The following SWAP70 variants were observed in gnomAD, a reference collection of about 807,000 sequenced individuals.
SWAP70 encodes switching B cell complex subunit SWAP70.
In SWAP70, 34 loss-of-function variants were observed where a neutral mutation model predicts 80.2. The ratio of observed to expected loss-of-function variants is 0.42; its 90% confidence interval spans 0.32 to 0.56. The LOEUF is 0.56. Among genes scored for constraint, SWAP70 ranks in the 20% least tolerant of loss-of-function variants. The pLI, the probability that SWAP70 is intolerant of heterozygous loss-of-function variation, is 0.09. For missense variants in SWAP70, 578 were observed against 690.7 expected (o/e 0.84, Z 1.83); for synonymous variants, 239 against 238.5 (o/e 1.00, Z -0.02).
rs139994085 is a variant in SWAP70 at position 9,721,275 on chromosome 11, T to C, written c.415-3383T>C. On this transcript the variant is annotated intron_variant, in intron 3 of 11. Coordinates refer to ENST00000318950, the MANE Select transcript of SWAP70 (RefSeq NM_015055.4). The stretch of plus-strand genomic sequence containing the variant: ...CAAGGAAATACCTGATAATATCTGA[T>C]AAGTTTAACAGTAGATGACATATCT... Among the ~76,000 whole-genome samples the C allele has an allele frequency of 4.1e-3, 624 of 152,236 alleles. 4 individuals are homozygous for C. The highest frequency in any genetic ancestry group is 6.8e-3 in the Middle Eastern group (2 of 294).
At chr11:9,746,435 C>T (rs1163179891) in intron 9 of SWAP70, among the ~76,000 whole-genome samples, 5 of 152,172 alleles carry the variant, frequency 3.3e-5, no homozygotes, top group South Asian at 2.1e-4. Context: ...TAGAAAAGCA[C>T]GTAGAAGGCA....
intron 2 of SWAP70, among the ~76,000 whole-genome samples, chr11:9,696,088 A>G (rs1461604979): frequency 6.6e-6 from 1 of 152,194 alleles, no homozygotes; most frequent in Admixed American, 6.6e-5. Context: ...TACTGTATAG[A>G]TATTATACAG....
chr11:9,667,249 TGAGAGA>T (rs555327465), intron 1 of SWAP70, among the ~76,000 whole-genome samples: 22 of 151,670 alleles, frequency 1.5e-4, no homozygotes, highest in African/African-American at 5.3e-4. Flanking sequence ...TGTGTGTGTG[TGAGAGA>T]GAGAGAGAGA....
At chr11:9,741,938 T>TTAAAAAAAAAAAAAA (rs746508941) in intron 9 of SWAP70, 3 of 81,916 alleles carry the variant, frequency 3.7e-5, no homozygotes, top group Non-Finnish European at 4.9e-5. Flanking sequence ...ACCTCATCTT[T>TTAAAAAAAAAAAAAA]AAAAAAAAAA....
intron 1 of SWAP70, among the ~76,000 whole-genome samples, chr11:9,677,549 C>G (rs1349097671): frequency 6.6e-6 from 1 of 152,068 alleles, no homozygotes; most frequent in Non-Finnish European, 1.5e-5. Flanking sequence ...CAAAATGAAG[C>G]TTAAAATTAA....
At chr11:9,694,309 G>T in intron 2 of SWAP70, 23 bp downstream of exon 2, 2 of 1,590,400 alleles carry the variant, frequency 1.3e-6, no homozygotes, top group East Asian at 2.3e-5. Flanking sequence ...CCTTTTTTTG[G>T]GTGTAGCATT....
chr11:9,694,208 G>A lies in SWAP70; in HGVS notation c.162G>A (p.Glu54=). ...KVPHDPVALE[E]HFRDDDEGPV... is the part of the protein sequence containing the mutation. ...CTCATGACCCAGTTGCCCTTGAAGA[G>A]CACTTCAGGGATGATGATGAGGGTC... The change falls in exon 2 of 12, where the codon GAG becomes GAA. Residue 54 remains glutamate (E), a synonymous_variant. Transcript: ENST00000318950. 2 of 1,613,160 alleles carry A rather than the reference G, an allele frequency of 1.2e-6. No homozygotes were observed.
chr11:9,671,875 A>T (rs1180935318), intron 1 of SWAP70, among the ~76,000 whole-genome samples: 4 of 102,154 alleles, frequency 3.9e-5, no homozygotes, highest in Non-Finnish European at 3.3e-5. Flanking sequence ...TTTATAATTT[A>T]AATATAATTT....
In SWAP70 at chr11:9,738,196, G is replaced by A; in HGVS notation, c.1081-17G>A. 2 of 1,589,486 alleles carry A rather than the reference G, an allele frequency of 1.3e-6. No homozygotes were observed. Among genetic ancestry groups the A allele is most frequent in the Non-Finnish European group, 8.6e-7 (1 of 1,166,532 alleles). ...TCTAACACCTGCTTTTCTGTGGATG[G>A]GTTTTTGATTGGCTAGAAACTGGAG... On this transcript the variant is annotated splice_polypyrimidine_tract_variant and intron_variant, in intron 7 of 11. Coordinates refer to ENST00000318950, the MANE Select transcript of SWAP70 (RefSeq NM_015055.4).
chr11:9,723,771 C>A (rs1390071141), intron 3 of SWAP70, among the ~76,000 whole-genome samples: 1 of 124,614 alleles, frequency 8.0e-6, no homozygotes, highest in Non-Finnish European at 1.7e-5. Flanking sequence ...TCCTTCTTTA[C>A]TTTTTTTTTT....
At chr11:9,733,596 T>C (rs1010281927) in intron 7 of SWAP70, among the ~76,000 whole-genome samples, 4 of 152,236 alleles carry the variant, frequency 2.6e-5, no homozygotes, top group Admixed American at 6.5e-5. Context: ...GAAAAAGTTA[T>C]TACTATCACA....
At chr11:9,672,710 G>A (rs954342045) in intron 1 of SWAP70, among the ~76,000 whole-genome samples, 9 of 151,774 alleles carry the variant, frequency 5.9e-5, no homozygotes, top group East Asian at 1.9e-4. Flanking sequence ...AATGGTATTC[G>A]TTTAGATAAA....
intron 2 of SWAP70, among the ~76,000 whole-genome samples, chr11:9,712,007 C>T (rs1851004879): frequency 6.6e-6 from 1 of 152,094 alleles, no homozygotes; most frequent in Admixed American, 6.6e-5. Context: ...CCTGGAATAC[C>T]CTTTATCCCA....
At chr11:9,725,726 C>T (rs901312797) in intron 4 of SWAP70, among the ~76,000 whole-genome samples, 65 of 151,584 alleles carry the variant, frequency 4.3e-4, no homozygotes, top group African/African-American at 1.5e-3. Context: ...TGTGCGCCAC[C>T]ACGTCCAGCT....
chr11:9,686,064 A>T (rs1305381342), intron 1 of SWAP70, among the ~76,000 whole-genome samples: 5 of 151,868 alleles, frequency 3.3e-5, no homozygotes, highest in Non-Finnish European at 7.4e-5. Context: ...AATATATAAA[A>T]TATTAAAAGA....
Position 9,752,865 on chromosome 11 carries a change from C to T in SWAP70, c.*2895C>T, listed in dbSNP as rs944499338. On this transcript the variant is annotated 3_prime_UTR_variant, in exon 12 of 12. Coordinates refer to ENST00000318950, the MANE Select transcript of SWAP70 (RefSeq NM_015055.4). ...TATGCTCAACTTTCTCAATTTTTTG[C>T]TAATTTTTCTAAGATACATTAAAAA... is the stretch of plus-strand genomic sequence containing the variant. The T allele has an allele frequency of 4.6e-5, 7 of 151,972 alleles. No individual in the cohort carries two copies. Among genetic ancestry groups the T allele is most frequent in the Non-Finnish European group, 8.8e-5 (6 of 67,968 alleles). The allele number at this position is 151,972 out of a possible 1,614,324, so 9.4% of individuals were successfully genotyped here. A position where few individuals can be genotyped will look rare whatever the true frequency, so the allele number is the denominator to read the frequency against.
chr11:9,692,026 A>G (rs939074723), intron 1 of SWAP70, among the ~76,000 whole-genome samples: 31 of 152,172 alleles, frequency 2.0e-4, no homozygotes, highest in African/African-American at 7.0e-4. Context: ...TCACTGTAAC[A>G]CATACTATTT....
rs182440109 is a variant in SWAP70, at chr11:9,740,358, T to G, written c.1355+11T>G. On this transcript the variant is annotated intron_variant, in intron 9 of 11. Coordinates refer to ENST00000318950, the MANE Select transcript of SWAP70 (RefSeq NM_015055.4). ...GAAGCTTCAGGCCAGGTGCCAGATT[T>G]GTTTGCAGACTTTGCCTTTATGTAC... 2,151 of 1,614,116 alleles carry G rather than the reference T, an allele frequency of 1.3e-3. 4 individuals carry two copies. The highest frequency in any genetic ancestry group is 1.9e-3 in the South Asian group (171 of 91,082).
At chr11:9,671,878 TATA>T (rs374217933) in intron 1 of SWAP70, among the ~76,000 whole-genome samples, 11,217 of 106,872 alleles carry the variant, frequency 0.1, 1,276 homozygotes, top group African/African-American at 0.29. Flanking sequence ...ATAATTTAAA[TATA>T]ATTTTAATTT....
Sources: gnomAD v4.1 joint callset for allele counts (sites outside exome capture counted in the v4.1 genomes callset) on GRCh38, gnomAD v4.1.1 for gene constraint, MANE v1.5 for transcripts, NCBI Gene and HGNC (gene_info 2026-07-23, HGNC 2026-07-21) for gene names.